Variants in SLC1A6 observed in about 807,000 individuals in gnomAD.
SLC1A6 encodes the protein excitatory amino acid transporter 4.
A neutral mutation model predicts 42.1 loss-of-function variants in SLC1A6; 15 were observed. The observed-to-expected ratio is 0.36, with a 90% CI of 0.24 to 0.55. The LOEUF is 0.55. Among genes scored for constraint, SLC1A6 ranks in the 20% least tolerant of loss-of-function variants. The pLI, the probability that SLC1A6 is intolerant of heterozygous loss-of-function variation, is 0.88. For synonymous variants in SLC1A6, 317 were observed against 319.7 expected, an observed-to-expected ratio of 0.99 and a Z score of 0.09; for missense variants, 542 against 772.5, an observed-to-expected ratio of 0.70 and a Z score of 3.54.
In SLC1A6 at chr19:14,972,764, C is replaced by A. The variant is rs747467114; in HGVS notation, c.147G>T (p.Val49=). 4 of 1,614,016 alleles carry A rather than the reference C, an allele frequency of 2.5e-6. No individual in the cohort carries two copies. The highest frequency in any genetic ancestry group is 3.4e-6 in the Non-Finnish European group (4 of 1,180,034). The change falls in exon 2 of 10, where the codon GTG becomes GTT. Residue 49 remains valine, a synonymous_variant. Coordinates refer to ENST00000594383, the MANE Select transcript of SLC1A6 (RefSeq NM_005071.3). ...AGGCGTTTCGGCGCAGGAAGCGCAGCACGTGCTCGAGGGTCATGGTCTGCA... is the reference window on the plus strand; with the variant it reads ...AGGCGTTTCGGCGCAGGAAGCGCAGAACGTGCTCGAGGGTCATGGTCTGCA... The part of the protein sequence containing the change: ...LRLQTMTLEH[V]LRFLRRNAFI...
At chr19:14,952,704 TA>T (rs1313586581) in intron 9 of SLC1A6, among the ~76,000 whole-genome samples, 3 of 152,030 alleles carry the variant, frequency 2.0e-5, no homozygotes, top group Admixed American at 2.0e-4. Flanking sequence ...GCCTGATAGG[TA>T]AAGCCCCCAT....
At chr19:14,961,730 T>C (rs2045513416) in intron 6 of SLC1A6, 2 of 414,442 alleles carry the variant, frequency 4.8e-6, no homozygotes, top group Non-Finnish European at 8.7e-6. Flanking sequence ...AATGAATCAT[T>C]GCAGAAGGAC....
At chr19:14,987,437 C>G (rs1347462982) in intron 1 of SLC1A6, among the ~76,000 whole-genome samples, 2 of 151,580 alleles carry the variant, frequency 1.3e-5, no homozygotes, top group Non-Finnish European at 2.9e-5. Flanking sequence ...CACTGCACTC[C>G]AGCCTGAGCG....
intron 1 of SLC1A6, among the ~76,000 whole-genome samples, chr19:14,976,532 C>T (rs893714324): frequency 6.6e-6 from 1 of 152,150 alleles, no homozygotes; most frequent in African/African-American, 2.4e-5. Flanking sequence ...TGTAATACCA[C>T]ATGTTTACTT....
intron 4 of SLC1A6, among the ~76,000 whole-genome samples, chr19:14,966,880 C>G (rs2214602): frequency 0.39 from 58,610 of 151,074 alleles, 11,732 homozygotes; most frequent in East Asian, 0.6. Context: ...CTTTTGGGGG[C>G]TGTGGGGGCA....
At chr19:15,009,215 T>C (rs1326688373) in intron 1 of SLC1A6, among the ~76,000 whole-genome samples, 1 of 133,918 alleles carries the variant, frequency 7.5e-6, no homozygotes, top group Non-Finnish European at 1.8e-5. Context: ...ATATATAGCA[T>C]ATCTATCACA....
chr19:14,958,230 G>A (rs2045479475), intron 6 of SLC1A6, among the ~76,000 whole-genome samples: 1 of 152,046 alleles, frequency 6.6e-6, no homozygotes, highest in Non-Finnish European at 1.5e-5. Context: ...GGCCAACATG[G>A]TGAAATCCCA....
At position 14,958,299 on chromosome 19, in the gene SLC1A6, T is replaced by G. The variant is rs2045480174; in HGVS notation, c.936-1590A>C. 2.0e-5 allele frequency among the ~76,000 whole-genome samples: 3 copies of G among 151,950 alleles called. No individual in the cohort carries two copies. The South Asian group carries it at 6.2e-4, about 32-fold the overall frequency. ...GGTAGTGCACACCTGTAGTCCCAGCTACTCGGGAGGCTGAGGCAGAAGAAT... is the reference window on the plus strand; with the variant it reads ...GGTAGTGCACACCTGTAGTCCCAGCGACTCGGGAGGCTGAGGCAGAAGAAT... On this transcript the variant is annotated intron_variant, in intron 6 of 9. Coordinates refer to ENST00000594383, the MANE Select transcript of SLC1A6 (RefSeq NM_005071.3).
chr19:14,970,722 GA>G (rs745665427), intron 3 of SLC1A6, among the ~76,000 whole-genome samples: 6 of 149,822 alleles, frequency 4.0e-5, no homozygotes, highest in Non-Finnish European at 8.9e-5. Flanking sequence ...AAAAAAAAAA[GA>G]ATATAGTATA....
At chr19:14,990,557 G>A (rs1024705837) in intron 1 of SLC1A6, among the ~76,000 whole-genome samples, 1 of 152,124 alleles carries the variant, frequency 6.6e-6, no homozygotes, top group Non-Finnish European at 1.5e-5. Flanking sequence ...ATCACCTGAG[G>A]TCAGGAGTTC....
chr19:14,962,382 G>A (rs1199948965), intron 5 of SLC1A6, 37 bp from the exon 6 acceptor site: 1 of 1,505,588 alleles, frequency 6.6e-7, no homozygotes, highest in Non-Finnish European at 9.2e-7. Context: ...ATTCAATTCA[G>A]CGGATGCATT....
At chr19:14,989,556 G>A (rs975928301) in intron 1 of SLC1A6, among the ~76,000 whole-genome samples, 3 of 145,132 alleles carry the variant, frequency 2.1e-5, no homozygotes, top group Non-Finnish European at 3.0e-5. Flanking sequence ...CACCGTGCCC[G>A]GCCAAAAATT....
intron 1 of SLC1A6, among the ~76,000 whole-genome samples, chr19:15,007,695 C>A (rs2045902363): frequency 6.6e-6 from 1 of 152,012 alleles, no homozygotes; most frequent in African/African-American, 2.4e-5. Context: ...GTTCTAGAGG[C>A]TCTTAGAGTC....
At chr19:14,986,971 T>C (rs141688870) in intron 1 of SLC1A6, among the ~76,000 whole-genome samples, 5 of 152,296 alleles carry the variant, frequency 3.3e-5, no homozygotes. Flanking sequence ...GCTTACATGA[T>C]AGACACTGTT....
At chr19:14,967,986 T>C (rs2045593214) in intron 4 of SLC1A6, among the ~76,000 whole-genome samples, 1 of 152,200 alleles carries the variant, frequency 6.6e-6, no homozygotes, top group African/African-American at 2.4e-5. Context: ...AAATGTTAAG[T>C]AAATGTTAAG....
chr19:14,962,060 T>C lies in SLC1A6; in HGVS notation c.877A>G (p.Arg293Gly). The C allele has an allele frequency of 1.2e-6, 2 of 1,614,168 alleles. No homozygotes were observed. The highest frequency in any genetic ancestry group is 1.7e-6 in the Non-Finnish European group (2 of 1,180,018). The change falls in exon 6 of 10, where the codon AGG (arginine) becomes GGG (glycine). Residue 293 changes from arginine to glycine, a missense_variant. Around this residue, in one of 6 missense-constraint regions of SLC1A6, gnomAD observed 298 missense variants for 419.4 expected, o/e 0.71. Transcript: ENST00000594383. ...GGMKHKGRVL[R>G]DFFDSLNEAI... ...TCATTGAGGCTGTCGAAGAAGTCCC[T>C]GAGGACTCTGCCCTTGTGTTTCATG...
At chr19:14,989,102 C>T (rs891148506) in intron 1 of SLC1A6, among the ~76,000 whole-genome samples, 9 of 152,006 alleles carry the variant, frequency 5.9e-5, no homozygotes, top group Admixed American at 6.6e-5. Flanking sequence ...TTACAGACAC[C>T]GGCAACTCCA....
At chr19:14,957,669 T>C (rs2045474834) in intron 6 of SLC1A6, among the ~76,000 whole-genome samples, 1 of 152,208 alleles carries the variant, frequency 6.6e-6, no homozygotes, top group African/African-American at 2.4e-5. Flanking sequence ...GCAGCTGACA[T>C]GAACTAAGAC....
intron 3 of SLC1A6, among the ~76,000 whole-genome samples, chr19:14,968,990 C>T (rs1600004405): frequency 6.6e-6 from 1 of 152,224 alleles, no homozygotes; most frequent in East Asian, 1.9e-4. Context: ...CAGGCACCTG[C>T]CACCATGCCC....
Sources: gnomAD v4.1 joint callset for allele counts (sites outside exome capture counted in the v4.1 genomes callset) on GRCh38, gnomAD v4.1.1 for gene constraint, gnomAD v4.1.1 regional missense constraint, MANE v1.5 for transcripts, NCBI Gene and HGNC (gene_info 2026-07-23, HGNC 2026-07-21) for gene names.